The following ACSS3 variants were observed in gnomAD, a reference collection of about 807,000 sequenced individuals.
The protein encoded by ACSS3 is acyl-CoA synthetase short chain family member 3, also known as acyl-CoA synthetase short-chain family member 3, mitochondrial.
Under a neutral mutation model 84.2 loss-of-function variants are expected in ACSS3, and 64 were observed. That is an observed-to-expected ratio of 0.76 (90% CI 0.62 to 0.94). ACSS3 has a LOEUF of 0.94. Among genes scored for constraint, ACSS3 ranks in the 40% least tolerant of loss-of-function variants. The pLI is 0.00. For synonymous variants in ACSS3, 317 were observed against 310.1 expected (o/e 1.02, Z -0.23); for missense variants, 815 against 867.6 (o/e 0.94, Z 0.76).
intron 1 of ACSS3, among the ~76,000 whole-genome samples, chr12:81,097,905 G>T (rs1882183013): frequency 1.3e-5 from 2 of 151,982 alleles, no homozygotes; most frequent in African/African-American, 4.8e-5. Context: ...GAGGATTATT[G>T]GATGTAGTAG....
At chr12:81,210,891 G>T (rs1329732263) in intron 9 of ACSS3, among the ~76,000 whole-genome samples, 2 of 152,152 alleles carry the variant, frequency 1.3e-5, no homozygotes, top group Non-Finnish European at 2.9e-5. Context: ...TGTATAAAGT[G>T]CAGCAAGAAT....
chr12:81,234,024 T>G (rs746946268), intron 13 of ACSS3, among the ~76,000 whole-genome samples: 19 of 151,578 alleles, frequency 1.3e-4, no homozygotes, highest in Non-Finnish European at 2.4e-4. Context: ...CAAAACAATT[T>G]CAACGCTGTC....
At chr12:81,117,216 C>T (rs1884116865) in intron 2 of ACSS3, among the ~76,000 whole-genome samples, 1 of 152,162 alleles carries the variant, frequency 6.6e-6, no homozygotes, top group Non-Finnish European at 1.5e-5. Context: ...TGAAAACATG[C>T]TTGTGGAACA....
chr12:81,085,594 TTTCCTCCA>T (rs1881257487), intron 1 of ACSS3, among the ~76,000 whole-genome samples: 2 of 152,222 alleles, frequency 1.3e-5, no homozygotes, highest in Non-Finnish European at 2.9e-5. Flanking sequence ...CCCAGAATCT[TTTCCTCCA>T]AATATCAAGG....
intron 7 of ACSS3, among the ~76,000 whole-genome samples, chr12:81,172,324 T>G (rs1456218097): frequency 6.8e-6 from 1 of 147,696 alleles, no homozygotes; most frequent in East Asian, 2.1e-4. Context: ...AATGGACTGC[T>G]AAGACACTCG....
chr12:81,123,546 C>T (rs1329772595), intron 2 of ACSS3, among the ~76,000 whole-genome samples: 1 of 151,880 alleles, frequency 6.6e-6, no homozygotes, highest in Non-Finnish European at 1.5e-5. Context: ...GGATAAATTG[C>T]GTGTTGTTGA....
chr12:81,080,848 A>G (rs999920691), intron 1 of ACSS3, among the ~76,000 whole-genome samples: 33 of 152,228 alleles, frequency 2.2e-4, no homozygotes, highest in Admixed American at 6.5e-5. Flanking sequence ...TTTTGTTGCT[A>G]TAAAACAAGA....
intron 7 of ACSS3, among the ~76,000 whole-genome samples, chr12:81,158,050 A>G (rs1886970014): frequency 6.6e-6 from 1 of 151,996 alleles, no homozygotes; most frequent in Non-Finnish European, 1.5e-5. Flanking sequence ...GTCTCTATAA[A>G]TCAGCAATGG....
chr12:81,175,034 T>C (rs2030371790), intron 8 of ACSS3, 95 bp downstream of exon 8: 4 of 1,336,382 alleles, frequency 3.0e-6, no homozygotes, highest in Non-Finnish European at 4.0e-6. Context: ...AATACTCTTA[T>C]AGGAAGAGCC....
chr12:81,214,226 A>G (rs1363075915), intron 9 of ACSS3, among the ~76,000 whole-genome samples: 1 of 151,320 alleles, frequency 6.6e-6, no homozygotes, highest in Non-Finnish European at 1.5e-5. Flanking sequence ...GGGCTTCACC[A>G]TGTTGGCCAG....
intron 8 of ACSS3, among the ~76,000 whole-genome samples, chr12:81,184,932 G>A (rs2031166394): frequency 6.6e-6 from 1 of 151,664 alleles, no homozygotes; most frequent in Admixed American, 6.6e-5. Flanking sequence ...GATATCACAA[G>A]AAAACTATGG....
intron 1 of ACSS3, among the ~76,000 whole-genome samples, chr12:81,090,718 T>C (rs972846620): frequency 1.3e-5 from 2 of 152,022 alleles, no homozygotes; most frequent in Non-Finnish European, 2.9e-5. Context: ...CCTTAGCTCA[T>C]TCATTGATCC....
intron 7 of ACSS3, chr12:81,158,433 A>G (rs1886989273): frequency 6.5e-6 from 1 of 153,258 alleles, no homozygotes; most frequent in African/African-American, 2.4e-5. Context: ...TAAGAAATGG[A>G]ATTTACTCTG....
At chr12:81,214,482 T>C (rs1414939455) in intron 9 of ACSS3, among the ~76,000 whole-genome samples, 5 of 152,190 alleles carry the variant, frequency 3.3e-5, no homozygotes. Flanking sequence ...AAGACTCAAA[T>C]TAATTATATA....
chr12:81,092,607 C>G (rs914115105), intron 1 of ACSS3, among the ~76,000 whole-genome samples: 2 of 151,910 alleles, frequency 1.3e-5, no homozygotes, highest in Admixed American at 6.6e-5. Context: ...CTTTGTGCAG[C>G]CTCTCATTTT....
At chr12:81,134,785 A>G (rs1885698469) in intron 2 of ACSS3, 31 bp from the exon 3 acceptor site, 3 of 1,454,196 alleles carry the variant, frequency 2.1e-6, no homozygotes, top group Non-Finnish European at 1.8e-6. Context: ...AATACAAAAT[A>G]CACTTTACTG....
intron 7 of ACSS3, among the ~76,000 whole-genome samples, chr12:81,154,684 A>C (rs1440848698): frequency 6.6e-6 from 1 of 152,146 alleles, no homozygotes; most frequent in Non-Finnish European, 1.5e-5. Context: ...TGTTCACATC[A>C]TTTCATAGAA....
intron 1 of ACSS3, among the ~76,000 whole-genome samples, chr12:81,089,614 T>C (rs1881543384): frequency 6.6e-6 from 1 of 151,944 alleles, no homozygotes; most frequent in Non-Finnish European, 1.5e-5. Flanking sequence ...TGTAATAGAA[T>C]GAGAAGGAAA....
intron 1 of ACSS3, among the ~76,000 whole-genome samples, chr12:81,081,852 A>T (rs2121264239): frequency 6.6e-6 from 1 of 152,340 alleles, no homozygotes; most frequent in South Asian, 2.1e-4. Context: ...TTCTGTAGTC[A>T]AGATACTGTG....
Sources: allele counts gnomAD v4.1 joint callset (sites outside exome capture counted in the v4.1 genomes callset), GRCh38; gene constraint gnomAD v4.1.1; transcripts MANE v1.5; gene names NCBI Gene and HGNC (gene_info 2026-07-23, HGNC 2026-07-21).